ATP5MC2: variants seen among roughly 807,000 people sequenced by gnomAD.
ATP5MC2 encodes the protein ATP synthase F(0) complex subunit C2, mitochondrial.
A neutral mutation model predicts 13.5 loss-of-function variants in ATP5MC2; 11 were observed. The observed-to-expected ratio is 0.81, with a 90% CI of 0.51 to 1.35. The LOEUF is 1.35. Ranked by LOEUF, ATP5MC2 falls within the 40% of genes most tolerant of loss-of-function variation. The pLI is 0.00. For synonymous variants in ATP5MC2, 64 were observed against 69.7 expected, an observed-to-expected ratio of 0.92 and a Z score of 0.41; for missense variants, 132 against 175.0, an observed-to-expected ratio of 0.75 and a Z score of 1.39.
chr12:53,676,149 G>A, upstream of ATP5MC2: 1 of 1,614,268 alleles, frequency 6.2e-7, no homozygotes, highest in East Asian at 2.2e-5. Flanking sequence ...GAGTCGCTCA[G>A]CCACGGATAG....
At chr12:53,667,742 G>A (rs574336373) in intron 4 of ATP5MC2, among the ~76,000 whole-genome samples, 10 of 151,524 alleles carry the variant, frequency 6.6e-5, no homozygotes, top group East Asian at 5.9e-4. Flanking sequence ...TGATCCGCCC[G>A]CCTCGGCCTC....
At chr12:53,666,242 G>A (rs1488632638) in intron 4 of ATP5MC2, among the ~76,000 whole-genome samples, 1 of 151,922 alleles carries the variant, frequency 6.6e-6, no homozygotes, top group Non-Finnish European at 1.5e-5. Flanking sequence ...TCAGGAGTTC[G>A]AGACCAGCCT....
At chr12:53,672,143 C>A (rs1036607192) in intron 2 of ATP5MC2, among the ~76,000 whole-genome samples, 3 of 147,572 alleles carry the variant, frequency 2.0e-5, no homozygotes, top group Non-Finnish European at 3.0e-5. Flanking sequence ...AGGAGAGTAT[C>A]TAGCAAGCAT....
rs554072640 is a variant in ATP5MC2 at position 53,672,994 on chromosome 12, C to T, written c.-31-349G>A. Reference sequence around the variant, plus strand: ...TTCCTTAGTTTTTATTCAAAAGGAACGCTTCTCAAGACTTCATCATCTGGA... The same window carrying T: ...TTCCTTAGTTTTTATTCAAAAGGAATGCTTCTCAAGACTTCATCATCTGGA... On this transcript the variant is annotated intron_variant, in intron 1 of 4. Transcript: ENST00000394349. 4.3e-4 allele frequency: 97 copies of T among 227,258 alleles called. No individual in the cohort carries two copies. The South Asian group carries it at 4.8e-3, about 11-fold the overall frequency. 14.1% of individuals were successfully genotyped at this position (227,258 alleles called of 1,614,324 possible).
At chr12:53,671,807 G>A (rs138114399) in intron 2 of ATP5MC2, among the ~76,000 whole-genome samples, 1,646 of 152,162 alleles carry the variant, frequency 0.011, 28 homozygotes, top group African/African-American at 0.033. Flanking sequence ...CGAGGACGGC[G>A]GATCACCTGA....
chr12:53,672,298 T>G (rs1945123426), intron 2 of ATP5MC2, among the ~76,000 whole-genome samples: 1 of 152,034 alleles, frequency 6.6e-6, no homozygotes, highest in South Asian at 2.1e-4. Context: ...CTTGGCTCAC[T>G]GCAACCTCTA....
chr12:53,676,069 G>T lies in ATP5MC2; in HGVS notation c.-48C>A. On this transcript the variant is annotated 5_prime_UTR_variant, in exon 1 of 5. Transcript: ENST00000394349. The stretch of plus-strand genomic sequence containing the variant: ...AGGCCTTACCTGCTCCCACTGCAGA[G>T]AAGACAGAGAGGGGCGGAGCAGCGG... The T allele has an allele frequency of 6.2e-7, 1 of 1,614,172 alleles. No individual in the cohort carries two copies. The highest frequency in any genetic ancestry group is 8.5e-7 in the Non-Finnish European group (1 of 1,180,026).
upstream of ATP5MC2, chr12:53,676,490 G>A: frequency 3.2e-6 from 1 of 313,804 alleles, no homozygotes; most frequent in Non-Finnish European, 6.0e-6. Context: ...GGAAGATCTT[G>A]GGAGTCCTGC....
intron 4 of ATP5MC2, 135 bp downstream of exon 4, chr12:53,669,013 C>T (rs1001542629): frequency 3.2e-6 from 4 of 1,239,108 alleles, no homozygotes; most frequent in Non-Finnish European, 4.3e-6. Context: ...GCGTTACTGT[C>T]TCAAAACAAA....
intron 4 of ATP5MC2, among the ~76,000 whole-genome samples, chr12:53,668,180 G>T (rs1413759726): frequency 6.6e-6 from 1 of 150,460 alleles, no homozygotes; most frequent in African/African-American, 2.4e-5. Context: ...GCAGAGACAG[G>T]GTTTCACCAT....
upstream of ATP5MC2, among the ~76,000 whole-genome samples, chr12:53,679,080 T>G (rs117546836): frequency 3.5e-3 from 531 of 152,314 alleles, 6 homozygotes; most frequent in East Asian, 0.039. Context: ...AAATTCCAAG[T>G]GTCCTTTTCT....
At chr12:53,679,015 A>C (rs913324667), upstream of ATP5MC2, among the ~76,000 whole-genome samples, 6 of 152,030 alleles carry the variant, frequency 3.9e-5, no homozygotes, top group African/African-American at 1.4e-4. Context: ...GGGGCCACAG[A>C]CTCATTTTAA....
At chr12:53,676,292 C>A, upstream of ATP5MC2, 1 of 1,531,126 alleles carries the variant, frequency 6.5e-7, no homozygotes, top group South Asian at 1.2e-5. Flanking sequence ...AGAAATGAGG[C>A]CAACTCCGCG....
chr12:53,667,954 C>CATATATATAT (rs1464740488), intron 4 of ATP5MC2, among the ~76,000 whole-genome samples: 15 of 26,956 alleles, frequency 5.6e-4, no homozygotes, highest in South Asian at 5.5e-3. Flanking sequence ...TACATACACA[C>CATATATATAT]ACATATATAT....
chr12:53,679,555 G>C (rs1382017097), upstream of ATP5MC2, among the ~76,000 whole-genome samples: 4 of 152,236 alleles, frequency 2.6e-5, no homozygotes, highest in African/African-American at 9.6e-5. Context: ...AAATCAGGGA[G>C]AGAAGTAGGT....
At chr12:53,670,539 A>T (rs1945065377) in intron 2 of ATP5MC2, among the ~76,000 whole-genome samples, 1 of 152,148 alleles carries the variant, frequency 6.6e-6, no homozygotes, top group Non-Finnish European at 1.5e-5. Context: ...CCTGCTGAGT[A>T]TTGCAACAGA....
chr12:53,672,363 A>G (rs974773400), intron 2 of ATP5MC2, among the ~76,000 whole-genome samples: 1 of 152,072 alleles, frequency 6.6e-6, no homozygotes, highest in Non-Finnish European at 1.5e-5. Context: ...CTGGGATTAC[A>G]GGCGCCCGCC....
At chr12:53,665,921 G>A (rs1005056919) in intron 4 of ATP5MC2, among the ~76,000 whole-genome samples, 1 of 152,178 alleles carries the variant, frequency 6.6e-6, no homozygotes. Flanking sequence ...GAATCCTAAG[G>A]ATTTATGGAA....
chr12:53,676,298 C>T (rs1945273655), upstream of ATP5MC2: 7 of 1,518,166 alleles, frequency 4.6e-6, no homozygotes, highest in South Asian at 1.3e-5. Flanking sequence ...GAGGCCAACT[C>T]CGCGGAGTAA....
Sources: gnomAD v4.1 joint callset for allele counts (sites outside exome capture counted in the v4.1 genomes callset) on GRCh38, gnomAD v4.1.1 for gene constraint, MANE v1.5 for transcripts, NCBI Gene and HGNC (gene_info 2026-07-23, HGNC 2026-07-21) for gene names.